The following ASXL3 variants were observed in gnomAD, a reference collection of about 807,000 sequenced individuals.
The protein encoded by ASXL3 is putative Polycomb group protein ASXL3.
A neutral mutation model predicts 170.6 loss-of-function variants in ASXL3; 34 were observed. That is an observed-to-expected ratio of 0.20 (90% CI 0.15 to 0.27). The LOEUF (loss-of-function observed/expected upper bound fraction) is 0.27. ASXL3 is among the 10% of genes least tolerant of loss of function. The pLI, the probability that ASXL3 is intolerant of heterozygous loss-of-function variation, is 1.00. For synonymous variants in ASXL3, 1,002 were observed against 989.1 expected, an observed-to-expected ratio of 1.01 and a Z score of -0.24; for missense variants, 2,592 against 2,695.3, an observed-to-expected ratio of 0.96 and a Z score of 0.85.
In ASXL3 at chr18:33,661,567, TA is replaced by T. The variant is rs1276642542; in HGVS notation, c.356-43del. 9 of 1,542,296 alleles carry T rather than the reference TA, an allele frequency of 5.8e-6. No homozygotes were observed. The African/African-American group carries it at 9.6e-5, about 16-fold the overall frequency. On this transcript the variant is annotated intron_variant, in intron 4 of 11. Transcript: ENST00000269197. ...TCCAAGTGTGTAATTACAGTGGATA[TA>T]AAAAAGGAATTCAAATTAGTAATAT...
chr18:33,602,148 G>T (rs997353385), intron 1 of ASXL3, among the ~76,000 whole-genome samples: 1 of 151,616 alleles, frequency 6.6e-6, no homozygotes, highest in Admixed American at 6.6e-5. Context: ...TTGTGAGAGC[G>T]ATGATACCTT....
At chr18:33,665,068 G>A (rs1017874220) in intron 5 of ASXL3, among the ~76,000 whole-genome samples, 12 of 152,062 alleles carry the variant, frequency 7.9e-5, no homozygotes, top group Non-Finnish European at 1.6e-4. Flanking sequence ...CCTAAAAAGT[G>A]TAAAAAGATT....
chr18:33,610,619 T>C (rs976824526), intron 2 of ASXL3, among the ~76,000 whole-genome samples: 2 of 152,006 alleles, frequency 1.3e-5, no homozygotes, highest in African/African-American at 4.8e-5. Flanking sequence ...CTTCCCTGCC[T>C]GTGTGTGAGC....
intron 5 of ASXL3, among the ~76,000 whole-genome samples, chr18:33,666,529 A>G (rs569040936): frequency 5.3e-5 from 8 of 152,300 alleles, no homozygotes; most frequent in South Asian, 2.1e-4. Context: ...TTCTTAATCT[A>G]TTCCATGAAT....
chr18:33,636,596 T>A (rs1296379047), intron 2 of ASXL3, among the ~76,000 whole-genome samples: 1 of 152,060 alleles, frequency 6.6e-6, no homozygotes, highest in East Asian at 1.9e-4. Flanking sequence ...GTGAACGTAG[T>A]TGGGGCTTTG....
intron 4 of ASXL3, among the ~76,000 whole-genome samples, chr18:33,653,203 G>T (rs999207209): frequency 6.6e-6 from 1 of 152,016 alleles, no homozygotes; most frequent in African/African-American, 2.4e-5. Context: ...GCATCTTTGT[G>T]TTCAGGAGGG....
chr18:33,593,868 C>G (rs1195292430), intron 1 of ASXL3, among the ~76,000 whole-genome samples: 2 of 152,164 alleles, frequency 1.3e-5, no homozygotes, highest in East Asian at 3.9e-4. Context: ...GAGGCTACCT[C>G]TGAATTGCTA....
At chr18:33,612,143 C>T (rs1386200623) in intron 2 of ASXL3, among the ~76,000 whole-genome samples, 3 of 151,408 alleles carry the variant, frequency 2.0e-5, no homozygotes, top group Non-Finnish European at 4.4e-5. Flanking sequence ...TGGTAATAGG[C>T]AAATAGTTTA....
chr18:33,590,646 A>G (rs1468179827), intron 1 of ASXL3, among the ~76,000 whole-genome samples: 1 of 152,110 alleles, frequency 6.6e-6, no homozygotes, highest in East Asian at 1.9e-4. Context: ...TTTTTATAAT[A>G]TTTATTTTAC....
intron 8 of ASXL3, among the ~76,000 whole-genome samples, chr18:33,692,265 C>T (rs1205582347): frequency 1.3e-5 from 2 of 152,086 alleles, no homozygotes; most frequent in African/African-American, 2.4e-5. Flanking sequence ...TGCACTGGAG[C>T]AGGACATACG....
At chr18:33,610,449 C>G (rs575246865) in intron 2 of ASXL3, among the ~76,000 whole-genome samples, 19 of 151,974 alleles carry the variant, frequency 1.3e-4, no homozygotes, top group Non-Finnish European at 2.6e-4. Flanking sequence ...CCTAGCAGTT[C>G]TAGACAGTAG....
chr18:33,621,699 G>A (rs570025302), intron 2 of ASXL3, among the ~76,000 whole-genome samples: 92 of 152,248 alleles, frequency 6.0e-4, no homozygotes, highest in African/African-American at 2.2e-3. Context: ...AAGGCATGGT[G>A]AGCCAATGAC....
In ASXL3 at chr18:33,745,090, C is replaced by G. The variant is rs1342973428; in HGVS notation, c.5242C>G (p.Pro1748Ala). Residue 1748 changes from proline to alanine, a missense_variant, in exon 12 of 12, where the codon CCG becomes GCG. Around this residue, in one of 4 missense-constraint regions of ASXL3, gnomAD observed 2,246 missense variants for 2,219.6 expected, o/e 1.01. Coordinates refer to ENST00000269197, the MANE Select transcript of ASXL3 (RefSeq NM_030632.3). ...CRLSSVEANN[P>A]LVTQLLQGNL... The stretch of plus-strand genomic sequence containing the variant: ...TCTGTCCTCTGTGGAGGCTAACAAT[C>G]CGCTGGTGACGCAGTTACTACAGGG... 1 of 1,613,896 alleles carries G rather than the reference C, an allele frequency of 6.2e-7. No homozygotes were observed. Among genetic ancestry groups the G allele is most frequent in the Non-Finnish European group, 8.5e-7 (1 of 1,179,908 alleles).
chr18:33,734,056 C>A (rs2067501663), intron 9 of ASXL3, among the ~76,000 whole-genome samples: 1 of 140,822 alleles, frequency 7.1e-6, no homozygotes, highest in Non-Finnish European at 1.6e-5. Context: ...CTTTAGCATT[C>A]TTCTAAAGCA....
intron 8 of ASXL3, among the ~76,000 whole-genome samples, chr18:33,701,787 T>G (rs749086960): frequency 1.3e-5 from 2 of 152,104 alleles, no homozygotes; most frequent in South Asian, 2.1e-4. Flanking sequence ...TATAGAAAGT[T>G]AAACATTTTT....
At chr18:33,689,124 G>T (rs2066646761) in intron 8 of ASXL3, among the ~76,000 whole-genome samples, 1 of 152,004 alleles carries the variant, frequency 6.6e-6, no homozygotes, top group South Asian at 2.1e-4. Context: ...CTCCCGAGTA[G>T]CTAGACTATG....
chr18:33,693,516 C>G (rs2066720527), intron 8 of ASXL3, among the ~76,000 whole-genome samples: 1 of 151,848 alleles, frequency 6.6e-6, no homozygotes, highest in South Asian at 2.1e-4. Flanking sequence ...GGGAGTTTTC[C>G]CCTGGATGGT....
chr18:33,629,439 AG>A (rs1426542905), intron 2 of ASXL3, among the ~76,000 whole-genome samples: 2 of 152,118 alleles, frequency 1.3e-5, no homozygotes, highest in African/African-American at 4.8e-5. Flanking sequence ...TGAAAAATGA[AG>A]GGAAACAGAA....
chr18:33,689,061 T>G (rs1354637433), intron 8 of ASXL3, among the ~76,000 whole-genome samples: 2 of 152,012 alleles, frequency 1.3e-5, no homozygotes, highest in African/African-American at 4.8e-5. Flanking sequence ...TGGCGTGATC[T>G]CCGCTCACAG....
Sources: gnomAD v4.1 joint callset for allele counts (sites outside exome capture counted in the v4.1 genomes callset) on GRCh38, gnomAD v4.1.1 for gene constraint, gnomAD v4.1.1 regional missense constraint, MANE v1.5 for transcripts, NCBI Gene and HGNC (gene_info 2026-07-23, HGNC 2026-07-21) for gene names.